The following ELL variants were observed in gnomAD, a reference collection of about 807,000 sequenced individuals.
The protein encoded by ELL is elongation factor for RNA polymerase II.
ELL carries 18 observed loss-of-function variants against 64.0 expected under a neutral mutation model. That is an observed-to-expected ratio of 0.28 (90% CI 0.19 to 0.42). The LOEUF is 0.42. ELL is among the 10% of genes least tolerant of loss of function. The pLI is 1.00. For synonymous variants in ELL, 399 were observed against 376.2 expected, an observed-to-expected ratio of 1.06 and a Z score of -0.70; for missense variants, 797 against 870.4, an observed-to-expected ratio of 0.92 and a Z score of 1.06.
intron 2 of ELL, among the ~76,000 whole-genome samples, chr19:18,466,778 A>G (rs1423216183): frequency 6.6e-6 from 1 of 152,210 alleles, no homozygotes; most frequent in African/African-American, 2.4e-5. Flanking sequence ...TGACACATGA[A>G]GGGCGCTCAA....
chr19:18,493,288 G>T (rs933080622), intron 1 of ELL, among the ~76,000 whole-genome samples: 18 of 152,244 alleles, frequency 1.2e-4, no homozygotes, highest in African/African-American at 4.3e-4. Context: ...TGGCCCACCA[G>T]GCCAGGGGGA....
chr19:18,464,669 G>A (rs907398565), intron 4 of ELL, among the ~76,000 whole-genome samples: 1 of 152,184 alleles, frequency 6.6e-6, no homozygotes, highest in African/African-American at 2.4e-5. Flanking sequence ...AACTCAAAAA[G>A]CCATCAAGGC....
At chr19:18,502,373 G>A (rs1975797401) in intron 1 of ELL, among the ~76,000 whole-genome samples, 1 of 152,158 alleles carries the variant, frequency 6.6e-6, no homozygotes, top group South Asian at 2.1e-4. Flanking sequence ...CAGGCCAGGA[G>A]GGGAGGGAGG....
At chr19:18,490,159 G>T (rs1449191785) in intron 1 of ELL, among the ~76,000 whole-genome samples, 2 of 152,172 alleles carry the variant, frequency 1.3e-5, no homozygotes, top group African/African-American at 2.4e-5. Flanking sequence ...TGCAAGAACA[G>T]TACAAAGAAC....
chr19:18,457,573 C>T (rs1796709431), intron 6 of ELL, among the ~76,000 whole-genome samples: 2 of 152,172 alleles, frequency 1.3e-5, no homozygotes, highest in Admixed American at 6.5e-5. Context: ...CCTCCGAGTC[C>T]CTGAGAAATC....
At chr19:18,463,707 G>A (rs943375790) in intron 4 of ELL, among the ~76,000 whole-genome samples, 2 of 151,976 alleles carry the variant, frequency 1.3e-5, no homozygotes, top group Non-Finnish European at 2.9e-5. Context: ...GGCCAGGGGC[G>A]GTGGCTCACA....
intron 1 of ELL, among the ~76,000 whole-genome samples, chr19:18,510,280 GA>G (rs1568400052): frequency 6.6e-6 from 1 of 152,250 alleles, no homozygotes. Flanking sequence ...TGAGGCACGA[GA>G]ATTGCTTGAA....
intron 1 of ELL, among the ~76,000 whole-genome samples, chr19:18,502,481 G>A (rs997996759): frequency 3.3e-5 from 5 of 152,160 alleles, no homozygotes; most frequent in Non-Finnish European, 7.3e-5. Flanking sequence ...TTCTGCCAGC[G>A]GGCACCCCCA....
chr19:18,452,427 T>C (rs950270334), intron 6 of ELL, among the ~76,000 whole-genome samples: 2 of 152,210 alleles, frequency 1.3e-5, no homozygotes, highest in African/African-American at 2.4e-5. Flanking sequence ...AGGAGAGCCA[T>C]GTGGACATAA....
intron 1 of ELL, among the ~76,000 whole-genome samples, chr19:18,478,605 AGGTGGGAGCT>A (rs1975227353): frequency 6.6e-6 from 1 of 152,194 alleles, no homozygotes; most frequent in African/African-American, 2.4e-5. Flanking sequence ...CCAGGGCCCC[AGGTGGGAGCT>A]GGGGAGCCTG....
Position 18,451,574 on chromosome 19 carries a change from C to T in ELL, c.944G>A (p.Gly315Glu), listed in dbSNP as rs1294764576. Residue 315 changes from glycine to glutamate, a missense_variant, in exon 7 of 12, where the codon GGG becomes GAG. Gly to Glu is a moderately conservative substitution (Grantham distance 98). Coordinates refer to ENST00000262809, the MANE Select transcript of ELL (RefSeq NM_006532.4). Reference sequence around the variant, plus strand: ...TACCTGTGGGGGCGAGGCCGAGCGCCCACGCTCGCCTGGGGGGCTGGAGGC... The same window carrying T: ...TACCTGTGGGGGCGAGGCCGAGCGCTCACGCTCGCCTGGGGGGCTGGAGGC... The part of the protein sequence containing the change: ...PAASSPPGER[G>E]RSASPPQKRL... 2 of 1,493,254 alleles carry T rather than the reference C, an allele frequency of 1.3e-6. No homozygotes were observed. The highest frequency in any genetic ancestry group is 8.9e-7 in the Non-Finnish European group (1 of 1,129,838). The allele number at this position is 1,493,254 out of a possible 1,614,324, so 92.5% of individuals were successfully genotyped here.
intron 6 of ELL, among the ~76,000 whole-genome samples, chr19:18,457,362 T>A (rs1226642441): frequency 6.6e-6 from 1 of 152,134 alleles, no homozygotes; most frequent in African/African-American, 2.4e-5. Flanking sequence ...GCGGGTCTTC[T>A]GCCAAGACTG....
intron 2 of ELL, among the ~76,000 whole-genome samples, chr19:18,469,073 G>A (rs1251218955): frequency 6.6e-6 from 1 of 152,184 alleles, no homozygotes; most frequent in Non-Finnish European, 1.5e-5. Flanking sequence ...GGCCAGGTGT[G>A]CAGCTGTGGC....
chr19:18,460,905 G>A (rs1042145742), intron 5 of ELL, among the ~76,000 whole-genome samples: 1 of 152,232 alleles, frequency 6.6e-6, no homozygotes, highest in African/African-American at 2.4e-5. Flanking sequence ...TCTGAAGCCA[G>A]TGCGAGTCAC....
At chr19:18,503,157 C>T (rs964220047) in intron 1 of ELL, among the ~76,000 whole-genome samples, 2 of 152,228 alleles carry the variant, frequency 1.3e-5, no homozygotes, top group African/African-American at 2.4e-5. Flanking sequence ...TGGCACCCAG[C>T]GCAGGGACAT....
chr19:18,520,712 A>AC (rs962065385), intron 1 of ELL, among the ~76,000 whole-genome samples: 2 of 71,590 alleles, frequency 2.8e-5, no homozygotes, highest in Admixed American at 1.6e-4. Flanking sequence ...CGCCCGCGGC[A>AC]CCCCCCCACC....
At position 18,444,647 on chromosome 19, in the gene ELL, T is replaced by C; in HGVS notation, c.*105A>G. The stretch of plus-strand genomic sequence containing the variant: ...GGGCTGCCCTGAAAGCCGGCGGTGC[T>C]GGCTCAGATGAGCATCTTCCTCGGG... On this transcript the variant is annotated 3_prime_UTR_variant, in exon 12 of 12. Coordinates refer to ENST00000262809, the MANE Select transcript of ELL (RefSeq NM_006532.4). 2 of 1,278,730 alleles carry C rather than the reference T, an allele frequency of 1.6e-6. No homozygotes were observed. The highest frequency in any genetic ancestry group is 2.1e-6 in the Non-Finnish European group (2 of 932,736). 79.2% of individuals were successfully genotyped at this position (1,278,730 alleles called of 1,614,324 possible). A position where few individuals can be genotyped will look rare whatever the true frequency, so the allele number is the denominator to read the frequency against.
intron 1 of ELL, among the ~76,000 whole-genome samples, chr19:18,497,994 G>A (rs1238621809): frequency 6.6e-6 from 1 of 152,046 alleles, no homozygotes; most frequent in Non-Finnish European, 1.5e-5. Context: ...CGGGTGTGGT[G>A]GCTCATGCCT....
rs1974821056 is a variant in ELL at position 18,461,814 on chromosome 19, T to C, written c.508A>G (p.Thr170Ala). ...CGCTTCCGGGAGGGCACCGCGTCTG[T>C]TGCACCTGGGGCTGGTTTCCGAAAC... is the stretch of plus-strand genomic sequence containing the variant. ...VQFRKPAPGA[T>A]DAVPSRKRAT... The change falls in exon 5 of 12, where the codon ACA (threonine) becomes GCA (alanine). Residue 170 changes from threonine (T) to alanine (A), a missense_variant. By Grantham distance (58) the Thr-to-Ala change is moderately conservative. Transcript: ENST00000262809. 1.2e-6 allele frequency: 2 copies of C among 1,613,864 alleles called. No homozygotes were observed. The highest frequency in any genetic ancestry group is 1.1e-5 in the South Asian group (1 of 91,078).
Sources: allele counts gnomAD v4.1 joint callset (sites outside exome capture counted in the v4.1 genomes callset), GRCh38; gene constraint gnomAD v4.1.1; transcripts MANE v1.5; gene names NCBI Gene and HGNC (gene_info 2026-07-23, HGNC 2026-07-21).